Variants in PHF5A observed in about 807,000 individuals in gnomAD.
The protein encoded by PHF5A is PHD finger-like domain-containing protein 5A.
For missense variants in PHF5A, 24 were observed against 140.6 expected (o/e 0.17, Z 4.19); for synonymous variants, 52 against 46.0 (o/e 1.13, Z -0.52).
rs192110224 is a variant in PHF5A at position 41,462,093 on chromosome 22, A to T, written c.244-1606T>A. Among the ~76,000 whole-genome samples the T allele has an allele frequency of 5.3e-5, 8 of 152,284 alleles. No individual in the cohort carries two copies. In the East Asian group the frequency reaches 1.5e-3, roughly 29 times the overall value. On this transcript the variant is annotated intron_variant, in intron 3 of 3. Transcript: ENST00000216252. ...GATGGCTGTTGACAGACCATGCACT[A>T]ATTTGTCATGACAGGCTGCCCTGGC...
chr22:41,468,292 T>G (rs2037889257), intron 1 of PHF5A, 145 bp from the exon 2 acceptor site: 1 of 772,238 alleles, frequency 1.3e-6, no homozygotes, highest in African/African-American at 1.7e-5. Context: ...ATTACAAATT[T>G]CCATATGAAC....
intron 2 of PHF5A, 53 bp from the exon 3 acceptor site, chr22:41,467,667 C>G: frequency 6.3e-7 from 1 of 1,585,834 alleles, no homozygotes; most frequent in Non-Finnish European, 8.6e-7. Flanking sequence ...CCTCTGCTAT[C>G]TCCTGCCATG....
intron 3 of PHF5A, among the ~76,000 whole-genome samples, chr22:41,460,723 T>TG (rs957600884): frequency 9.0e-5 from 7 of 77,592 alleles, no homozygotes; most frequent in East Asian, 2.6e-4. Context: ...CCCCATCTCT[T>TG]GAAAAAAAAA....
intron 3 of PHF5A, among the ~76,000 whole-genome samples, chr22:41,460,742 C>T (rs569357075): frequency 6.6e-6 from 1 of 151,002 alleles, no homozygotes; most frequent in South Asian, 2.1e-4. Flanking sequence ...AAAAATTGGT[C>T]ACAGAGTTCA....
rs1231547561 is a variant in PHF5A at position 41,461,420 on chromosome 22, G to T, written c.244-933C>A. On this transcript the variant is annotated intron_variant, in intron 3 of 3. Transcript: ENST00000216252. The stretch of plus-strand genomic sequence containing the variant: ...TTTTTTTTTTTTGAGAAGGAATCTC[G>T]CTCTGTCGCCAGGCTGGAGTGCAGT... Among the ~76,000 whole-genome samples, 4 of 148,490 alleles carry T rather than the reference G, an allele frequency of 2.7e-5. No individual in the cohort carries two copies. The Admixed American group carries it at 2.7e-4, about 10-fold the overall frequency.
chr22:41,468,059 T>G, intron 2 of PHF5A, 65 bp downstream of exon 2: 1 of 1,572,024 alleles, frequency 6.4e-7, no homozygotes, highest in Non-Finnish European at 8.8e-7. Context: ...TGTGGCACTT[T>G]TGCTGGTTCC....
chr22:41,459,979 T>C lies in PHF5A; in HGVS notation c.*419A>G, dbSNP rs922055533. The C allele has an allele frequency of 2.3e-5, 3 of 130,552 alleles. No homozygotes were observed. The highest frequency in any genetic ancestry group is 5.8e-5 in the African/African-American group (2 of 34,436). The allele number at this position is 130,552 out of a possible 1,614,324, so 8.1% of individuals were successfully genotyped here. A position where few individuals can be genotyped will look rare whatever the true frequency, so the allele number is the denominator to read the frequency against. The stretch of plus-strand genomic sequence containing the variant: ...ATAGCTTCCCACCACACACCAAAGG[T>C]TCCTCAAGGACAGCTGCCACCAGAG... On this transcript the variant is annotated 3_prime_UTR_variant, in exon 4 of 4. Transcript: ENST00000216252.
intron 3 of PHF5A, among the ~76,000 whole-genome samples, chr22:41,463,838 G>A (rs969811203): frequency 1.5e-4 from 22 of 149,724 alleles, no homozygotes; most frequent in African/African-American, 5.4e-4. Context: ...AGATTGTAAT[G>A]AGCCGAGATC....
At chr22:41,461,768 T>C (rs1177171078) in intron 3 of PHF5A, among the ~76,000 whole-genome samples, 1 of 152,004 alleles carries the variant, frequency 6.6e-6, no homozygotes, top group Admixed American at 6.6e-5. Context: ...GTTCAAGCAA[T>C]TCTCCTGCCT....
chr22:41,461,450 C>T (rs1430898449), intron 3 of PHF5A, among the ~76,000 whole-genome samples: 1 of 150,362 alleles, frequency 6.7e-6, no homozygotes, highest in East Asian at 2.0e-4. Flanking sequence ...TGCAGTGGCG[C>T]GATCTCGGCT....
At position 41,467,252 on chromosome 22, in the gene PHF5A, T is replaced by C. The variant is rs145693596; in HGVS notation, c.243+196A>G. ...TGGTCTTGACAAAGATTTGCTTCCCTTGCATTCTTCCCCTTGATGCAAAAT... is the reference window on the plus strand; with the variant it reads ...TGGTCTTGACAAAGATTTGCTTCCCCTGCATTCTTCCCCTTGATGCAAAAT... On this transcript the variant is annotated intron_variant, in intron 3 of 3. Transcript: ENST00000216252. Among the ~76,000 whole-genome samples the C allele has an allele frequency of 4.6e-4, 70 of 152,196 alleles. No individual in the cohort carries two copies. In the East Asian group the frequency reaches 0.013, roughly 28 times the overall value.
At chr22:41,462,413 A>C (rs1368734227) in intron 3 of PHF5A, among the ~76,000 whole-genome samples, 2 of 152,186 alleles carry the variant, frequency 1.3e-5, no homozygotes, top group Admixed American at 6.5e-5. Flanking sequence ...TAACACTAAC[A>C]TTTTAGGATC....
intron 3 of PHF5A, 92 bp from the exon 4 acceptor site, chr22:41,460,579 G>T: frequency 2.1e-6 from 2 of 956,122 alleles, no homozygotes; most frequent in Non-Finnish European, 3.1e-6. Context: ...GGTAGCATGT[G>T]CCTTTAGTCC....
At chr22:41,468,282 A>G in intron 1 of PHF5A, 135 bp from the exon 2 acceptor site, 6 of 800,684 alleles carry the variant, frequency 7.5e-6, no homozygotes, top group South Asian at 6.6e-5. Context: ...CCATTTTATC[A>G]TTACAAATTT....
intron 3 of PHF5A, among the ~76,000 whole-genome samples, chr22:41,462,004 C>T (rs1229617386): frequency 6.6e-6 from 1 of 152,120 alleles, no homozygotes; most frequent in Non-Finnish European, 1.5e-5. Context: ...TTTTATGTGT[C>T]TTCATTAATT....
At chr22:41,467,726 T>A in intron 2 of PHF5A, 112 bp from the exon 3 acceptor site, 2 of 1,253,658 alleles carry the variant, frequency 1.6e-6, no homozygotes, top group Non-Finnish European at 2.2e-6. Context: ...CTTTTGACAG[T>A]GACTTTAGGG....
At chr22:41,467,934 TAG>T (rs1879589404) in intron 2 of PHF5A, 188 bp downstream of exon 2, 4 of 640,202 alleles carry the variant, frequency 6.2e-6, no homozygotes, top group Admixed American at 5.8e-5. Context: ...CGTTGAAAAC[TAG>T]AGAGATACAG....
chr22:41,464,333 G>A (rs952514154), intron 3 of PHF5A, among the ~76,000 whole-genome samples: 1 of 152,194 alleles, frequency 6.6e-6, no homozygotes, highest in Non-Finnish European at 1.5e-5. Flanking sequence ...GTTGCAGGAA[G>A]ACAATAATAA....
chr22:41,463,030 C>T (rs1161113673), intron 3 of PHF5A, among the ~76,000 whole-genome samples: 1 of 151,922 alleles, frequency 6.6e-6, no homozygotes, highest in African/African-American at 2.4e-5. Flanking sequence ...CCCACCACCG[C>T]ACCCAGCTGG....
Sources: allele counts gnomAD v4.1 joint callset (sites outside exome capture counted in the v4.1 genomes callset), GRCh38; gene constraint gnomAD v4.1.1; transcripts MANE v1.5; gene names NCBI Gene and HGNC (gene_info 2026-07-23, HGNC 2026-07-21).